SSBP3: variants seen among roughly 807,000 people sequenced by gnomAD.
SSBP3 encodes the protein single stranded DNA binding protein 3.
Under a neutral mutation model 69.6 loss-of-function variants are expected in SSBP3, and 5 were observed. The observed-to-expected ratio is 0.07, with a 90% CI of 0.04 to 0.15. SSBP3 has a LOEUF of 0.15. SSBP3 is among the 10% of genes least tolerant of loss of function. The probability of loss-of-function intolerance (pLI) is 1.00; values close to 1 mark genes in which losing one functional copy is unlikely to be tolerated. For synonymous variants in SSBP3, 196 were observed against 193.4 expected (o/e 1.01, Z -0.11); for missense variants, 312 against 534.0 (o/e 0.58, Z 4.10).
chr1:54,406,497 G>T (rs1033802580), upstream of SSBP3: 1 of 152,312 alleles, frequency 6.6e-6, no homozygotes, highest in African/African-American at 2.4e-5. Flanking sequence ...ACGCGGGGGC[G>T]GGCCCGGGCC....
chr1:54,257,089 C>A lies in SSBP3; in HGVS notation c.507+38G>T, dbSNP rs372589100. 2.8e-5 allele frequency: 45 copies of A among 1,585,902 alleles called. No homozygotes were observed. The African/African-American group carries it at 5.7e-4, about 20-fold the overall frequency. On this transcript the variant is annotated intron_variant, in intron 7 of 17. Coordinates refer to ENST00000610401, the Ensembl canonical transcript of SSBP3. Reference sequence around the variant, plus strand: ...AAAGTCCACCTAGGGCCAAGGATGGCTGAGGGAGGGGAGAGAGAACATGAA... The same window carrying A: ...AAAGTCCACCTAGGGCCAAGGATGGATGAGGGAGGGGAGAGAGAACATGAA...
intron 4 of SSBP3, among the ~76,000 whole-genome samples, chr1:54,374,000 A>C (rs1203183735): frequency 1.3e-5 from 2 of 152,164 alleles, no homozygotes; most frequent in Admixed American, 1.3e-4. Context: ...GCTGGACAGG[A>C]AAGGCAGGTT....
intron 4 of SSBP3, among the ~76,000 whole-genome samples, chr1:54,308,600 CAAAA>C (rs397862361): frequency 9.9e-6 from 1 of 101,134 alleles, no homozygotes; most frequent in Non-Finnish European, 2.1e-5. Flanking sequence ...GACTCCATCT[CAAAA>C]AAAAAAAAAA....
upstream of SSBP3, among the ~76,000 whole-genome samples, chr1:54,408,934 G>C (rs570064448): frequency 3.8e-4 from 58 of 152,300 alleles, no homozygotes; most frequent in African/African-American, 1.4e-3. Context: ...GAGGGCCCGG[G>C]CAGAGAGAGC....
At chr1:54,271,569 G>A (rs1166318484) in intron 5 of SSBP3, among the ~76,000 whole-genome samples, 4 of 151,546 alleles carry the variant, frequency 2.6e-5, no homozygotes, top group East Asian at 2.0e-4. Context: ...CAGGGCCATC[G>A]TGCTCCAAAG....
intron 5 of SSBP3, among the ~76,000 whole-genome samples, chr1:54,261,112 C>T (rs2100765973): frequency 6.6e-6 from 1 of 152,360 alleles, no homozygotes; most frequent in Admixed American, 6.5e-5. Context: ...CACTACGTTC[C>T]CTGTGTCTAG....
chr1:54,244,651 C>T (rs1488060896), intron 9 of SSBP3, among the ~76,000 whole-genome samples: 1 of 152,186 alleles, frequency 6.6e-6, no homozygotes, highest in East Asian at 1.9e-4. Context: ...AGGCACCAGG[C>T]CTCGTATCAC....
chr1:54,386,923 G>A (rs1019251779), intron 4 of SSBP3, among the ~76,000 whole-genome samples: 13 of 151,690 alleles, frequency 8.6e-5, no homozygotes, highest in African/African-American at 3.2e-4. Flanking sequence ...CTACTCAACA[G>A]GAGTCCCCTC....
intron 4 of SSBP3, among the ~76,000 whole-genome samples, chr1:54,385,797 G>A (rs1268537531): frequency 6.6e-6 from 1 of 152,160 alleles, no homozygotes; most frequent in Non-Finnish European, 1.5e-5. Flanking sequence ...AGGACACTGA[G>A]GCTCAGAGGT....
chr1:54,359,216 A>AG (rs1646915511), intron 4 of SSBP3, among the ~76,000 whole-genome samples: 1 of 138,956 alleles, frequency 7.2e-6, no homozygotes, highest in Middle Eastern at 3.5e-3. Flanking sequence ...CTCAAAAAAA[A>AG]AAAAAAAAAA....
chr1:54,228,297 G>A, exon 17 of SSBP3: 1 of 1,614,062 alleles, frequency 6.2e-7, no homozygotes. Flanking sequence ...CTCCTAGCTC[G>A]CCGTCATCTC....
At chr1:54,271,314 T>C (rs183776664) in intron 5 of SSBP3, among the ~76,000 whole-genome samples, 1 of 152,310 alleles carries the variant, frequency 6.6e-6, no homozygotes, top group East Asian at 1.9e-4. Context: ...AGGGTCTATG[T>C]TGCCCAGGCT....
chr1:54,381,382 CAAAAAAAAAAAAAA>C (rs59809996), intron 4 of SSBP3, among the ~76,000 whole-genome samples: 5 of 69,494 alleles, frequency 7.2e-5, no homozygotes, highest in Admixed American at 4.2e-4. Context: ...TACACCATCT[CAAAAAAAAAAAAAA>C]AAAAAAAAAA....
intron 4 of SSBP3, among the ~76,000 whole-genome samples, chr1:54,354,443 G>A (rs1646831447): frequency 6.6e-6 from 1 of 152,194 alleles, no homozygotes; most frequent in East Asian, 1.9e-4. Flanking sequence ...GAGACACGAG[G>A]CAGTGGGTGA....
At chr1:54,396,811 C>A (rs926627556) in intron 4 of SSBP3, among the ~76,000 whole-genome samples, 1 of 152,184 alleles carries the variant, frequency 6.6e-6, no homozygotes, top group African/African-American at 2.4e-5. Context: ...CCACTCCCCC[C>A]GCCCCACCTC....
chr1:54,293,324 G>A (rs1022378751), intron 4 of SSBP3, among the ~76,000 whole-genome samples: 3 of 152,032 alleles, frequency 2.0e-5, no homozygotes, highest in African/African-American at 7.3e-5. Flanking sequence ...CACGCGGGCT[G>A]GTCAGAGGCT....
chr1:54,247,154 G>A (rs551681726), intron 9 of SSBP3, among the ~76,000 whole-genome samples: 7 of 152,344 alleles, frequency 4.6e-5, no homozygotes, highest in South Asian at 2.1e-4. Flanking sequence ...GCTGCAGCCT[G>A]GAGGCGGTGG....
intron 4 of SSBP3, among the ~76,000 whole-genome samples, chr1:54,322,972 T>C (rs981255501): frequency 3.3e-5 from 5 of 152,244 alleles, no homozygotes; most frequent in African/African-American, 1.2e-4. Context: ...TAACTCGTAC[T>C]CCATGGGTTT....
intron 4 of SSBP3, among the ~76,000 whole-genome samples, chr1:54,392,105 C>A (rs1458730384): frequency 1.3e-5 from 2 of 152,224 alleles, no homozygotes; most frequent in Non-Finnish European, 2.9e-5. Flanking sequence ...CTGCCTTCAA[C>A]AAGCATCTGT....
Sources: allele counts gnomAD v4.1 joint callset (sites outside exome capture counted in the v4.1 genomes callset), GRCh38; gene constraint gnomAD v4.1.1; transcripts MANE v1.5; gene names NCBI Gene and HGNC (gene_info 2026-07-23, HGNC 2026-07-21).